Variants in AP3D1 observed in about 807,000 individuals in gnomAD.
The protein encoded by AP3D1 is AP-3 complex subunit delta-1.
Under a neutral mutation model 147.6 loss-of-function variants are expected in AP3D1, and 51 were observed. The observed-to-expected ratio is 0.35, with a 90% confidence interval of 0.28 to 0.44. The LOEUF is 0.44. Ranked by LOEUF, AP3D1 falls within the 20% of genes least tolerant of loss-of-function variation. The probability of loss-of-function intolerance (pLI) is 1.00; values close to 1 mark genes in which losing one functional copy is unlikely to be tolerated. For missense variants in AP3D1, 1,421 were observed against 1,624.2 expected (o/e 0.87, Z 2.15); for synonymous variants, 760 against 663.0 (o/e 1.15, Z -2.25).
chr19:2,123,825 C>G lies in AP3D1; in HGVS notation c.906+5G>C. On this transcript the variant is annotated splice_donor_5th_base_variant and intron_variant, in intron 10 of 31. Coordinates refer to ENST00000643116, the MANE Select transcript of AP3D1 (RefSeq NM_001261826.3). ...CCCATGGGCCCCGCCCAGTGCGGGA[C>G]GTACCTGGATGCTGGCGCTGTGGTT... The G allele has an allele frequency of 1.3e-6, 2 of 1,570,480 alleles. No homozygotes were observed. The highest frequency in any genetic ancestry group is 1.7e-6 in the Non-Finnish European group (2 of 1,158,088).
At position 2,111,789 on chromosome 19, in the gene AP3D1, TCTC is replaced by T. The variant is rs764236512; in HGVS notation, c.2824_2826del (p.Glu942del). 18 of 1,613,792 alleles carry T rather than the reference TCTC, an allele frequency of 1.1e-5. No homozygotes were observed. The highest frequency in any genetic ancestry group is 1.0e-4 in the Admixed American group (6 of 59,988). ...TTCTTGCCTTTGGTCCGCTCCTCCT[TCTC>T]CTTCCTGTGCTTCTTCTTCTTAGGC... On this transcript the variant is annotated inframe_deletion, in exon 25 of 32. Coordinates refer to ENST00000643116, the MANE Select transcript of AP3D1 (RefSeq NM_001261826.3).
chr19:2,107,425 C>T (rs746992868), intron 31 of AP3D1, among the ~76,000 whole-genome samples: 1 of 151,966 alleles, frequency 6.6e-6, no homozygotes, highest in Non-Finnish European at 1.5e-5. Flanking sequence ...AACCGGACAT[C>T]AAGAAAAATT....
chr19:2,111,928 G>A (rs1239618153), intron 24 of AP3D1, 100 bp from the exon 25 acceptor site: 10 of 1,567,484 alleles, frequency 6.4e-6, no homozygotes, highest in Non-Finnish European at 8.7e-6. Flanking sequence ...CAGGCTGAGG[G>A]TCCCACGTGC....
At chr19:2,124,182 C>T (rs867676139) in intron 9 of AP3D1, among the ~76,000 whole-genome samples, 2 of 152,238 alleles carry the variant, frequency 1.3e-5, no homozygotes, top group Non-Finnish European at 2.9e-5. Context: ...TCTGGAATCC[C>T]GGCAGGGGCC....
chr19:2,119,324 C>T (rs1387581363), intron 14 of AP3D1, among the ~76,000 whole-genome samples: 4 of 152,124 alleles, frequency 2.6e-5, no homozygotes, highest in South Asian at 2.1e-4. Flanking sequence ...TCTGGGAGGC[C>T]GAGGCAGGCA....
At chr19:2,151,159 G>A in intron 1 of AP3D1, 80 bp downstream of exon 1, 4 of 1,347,286 alleles carry the variant, frequency 3.0e-6, no homozygotes, top group South Asian at 1.3e-5. Flanking sequence ...GCGGCAGGCC[G>A]AGCAGGCCCA....
chr19:2,119,193 C>T (rs930003788), intron 14 of AP3D1, among the ~76,000 whole-genome samples: 3 of 152,328 alleles, frequency 2.0e-5, no homozygotes, highest in African/African-American at 4.8e-5. Flanking sequence ...CCTCGGGGTG[C>T]GCCTCACTGG....
intron 9 of AP3D1, among the ~76,000 whole-genome samples, chr19:2,126,112 G>A (rs761227207): frequency 6.7e-6 from 1 of 149,458 alleles, no homozygotes; most frequent in East Asian, 1.9e-4. Context: ...CAAGAGAGAC[G>A]GGGTCTCACT....
At position 2,110,820 on chromosome 19, in the gene AP3D1, C is replaced by T; in HGVS notation, c.3062G>A (p.Ser1021Asn). The change falls in exon 27 of 32, where the codon AGC becomes AAC. Residue 1021 changes from serine to asparagine, a missense_variant. Ser to Asn is a conservative substitution (Grantham distance 46). This residue lies in a region of AP3D1 where 791 missense variants were observed against 761.4 expected (regional missense o/e 1.04). Transcript: ENST00000643116. ...VAIVLENRSS[S>N]ILKGMELSVL... Reference sequence around the variant, plus strand: ...GCTGAGCTCCATGCCCTTGAGGATGCTGCTGCTCCTGTTCTCCAGCACGAT... The same window carrying T: ...GCTGAGCTCCATGCCCTTGAGGATGTTGCTGCTCCTGTTCTCCAGCACGAT... 2.5e-6 allele frequency: 4 copies of T among 1,613,648 alleles called. No individual in the cohort carries two copies. The highest frequency in any genetic ancestry group is 3.4e-6 in the Non-Finnish European group (4 of 1,179,986).
At chr19:2,137,479 C>G (rs932353837) in intron 3 of AP3D1, among the ~76,000 whole-genome samples, 1 of 152,040 alleles carries the variant, frequency 6.6e-6, no homozygotes, top group Non-Finnish European at 1.5e-5. Context: ...CCACGCCCCA[C>G]TAAATTTTGT....
At chr19:2,106,964 A>T (rs955648368) in intron 31 of AP3D1, among the ~76,000 whole-genome samples, 3 of 152,052 alleles carry the variant, frequency 2.0e-5, no homozygotes, top group Non-Finnish European at 2.9e-5. Context: ...ATTAGGAATG[A>T]AAAGAACAGC....
At chr19:2,108,270 G>A (rs548600560) in intron 31 of AP3D1, among the ~76,000 whole-genome samples, 2 of 152,298 alleles carry the variant, frequency 1.3e-5, no homozygotes, top group Non-Finnish European at 2.9e-5. Flanking sequence ...TTTGGCAGTC[G>A]ACACACTGCG....
At chr19:2,111,192 C>A (rs1282678798) in intron 26 of AP3D1, 93 bp downstream of exon 26, 1 of 1,495,778 alleles carries the variant, frequency 6.7e-7, no homozygotes, top group South Asian at 1.2e-5. Flanking sequence ...ATACCAACAT[C>A]CGGGAGCTGT....
At chr19:2,126,435 C>A (rs998319685) in intron 9 of AP3D1, among the ~76,000 whole-genome samples, 18 of 152,050 alleles carry the variant, frequency 1.2e-4, no homozygotes, top group African/African-American at 4.3e-4. Context: ...GCAGGCGGAT[C>A]AAGAGGTCAG....
chr19:2,122,696 G>C (rs905765160), intron 11 of AP3D1, among the ~76,000 whole-genome samples: 23 of 152,234 alleles, frequency 1.5e-4, no homozygotes, highest in Admixed American at 5.9e-4. Context: ...GGTCTCTCTT[G>C]CAATACCCGA....
chr19:2,143,858 C>G (rs1209633149), intron 1 of AP3D1, among the ~76,000 whole-genome samples: 1 of 151,954 alleles, frequency 6.6e-6, no homozygotes, highest in Admixed American at 6.6e-5. Flanking sequence ...GAGGCCGAGG[C>G]GGGTGCATCG....
rs539734218 is a variant in AP3D1 at position 2,123,545 on chromosome 19, C to T, written c.907-139G>A. ...CACCAATCAAAGCCCAGGAGGGAAA[C>T]AAGCATGGCCCACATGGGGCACTGG... On this transcript the variant is annotated intron_variant, in intron 10 of 31. Transcript: ENST00000643116. 58 of 919,292 alleles carry T rather than the reference C, an allele frequency of 6.3e-5. 1 individual carries two copies. The highest frequency in any genetic ancestry group is 5.5e-4 in the East Asian group (21 of 38,168). 56.9% of individuals were successfully genotyped at this position (919,292 alleles called of 1,614,324 possible).
chr19:2,113,760 G>A (rs537927859), intron 22 of AP3D1, among the ~76,000 whole-genome samples: 3 of 152,334 alleles, frequency 2.0e-5, no homozygotes, highest in South Asian at 2.1e-4. Flanking sequence ...ATGCTCCTTT[G>A]AAAAACCCAT....
chr19:2,118,554 C>CTG, intron 15 of AP3D1, 47 bp downstream of exon 15: 1 of 1,564,494 alleles, frequency 6.4e-7, no homozygotes, highest in Non-Finnish European at 8.7e-7. Flanking sequence ...CAGAAAGGCA[C>CTG]TGAGGGCTCC....
Sources: allele counts gnomAD v4.1 joint callset (sites outside exome capture counted in the v4.1 genomes callset), GRCh38; gene constraint gnomAD v4.1.1; regional missense constraint gnomAD v4.1.1; transcripts MANE v1.5; gene names NCBI Gene and HGNC (gene_info 2026-07-23, HGNC 2026-07-21).